STXBP5L: variants seen among roughly 807,000 people sequenced by gnomAD.
STXBP5L encodes syntaxin binding protein 5L.
In STXBP5L, 65 loss-of-function variants were observed where a neutral mutation model predicts 144.5. The observed-to-expected ratio is 0.45, with a 90% CI of 0.37 to 0.55. The LOEUF (loss-of-function observed/expected upper bound fraction) is 0.55. STXBP5L is among the 20% of genes least tolerant of loss of function. The pLI, the probability that STXBP5L is intolerant of heterozygous loss-of-function variation, is 0.00. For missense variants in STXBP5L, 1,298 were observed against 1,405.5 expected (o/e 0.92, Z 1.22); for synonymous variants, 505 against 469.6 (o/e 1.08, Z -0.97).
intron 2 of STXBP5L, among the ~76,000 whole-genome samples, chr3:120,920,156 C>G (rs865866791): frequency 6.6e-6 from 1 of 151,770 alleles, no homozygotes; most frequent in Non-Finnish European, 1.5e-5. Flanking sequence ...GAAAGTAACT[C>G]TTTAAGTCAC....
chr3:121,059,446 G>T (rs549590108), intron 5 of STXBP5L, among the ~76,000 whole-genome samples: 1 of 152,098 alleles, frequency 6.6e-6, no homozygotes, highest in African/African-American at 2.4e-5. Flanking sequence ...GGATTGTCGT[G>T]GCTATGTGGG....
chr3:121,091,513 A>C (rs1436896899), intron 5 of STXBP5L, among the ~76,000 whole-genome samples: 1 of 152,110 alleles, frequency 6.6e-6, no homozygotes, highest in Non-Finnish European at 1.5e-5. Flanking sequence ...TTTGATTTGC[A>C]TTTCTCTGAT....
intron 9 of STXBP5L, among the ~76,000 whole-genome samples, chr3:121,193,066 C>A (rs1425931806): frequency 2.8e-5 from 4 of 142,362 alleles, no homozygotes; most frequent in African/African-American, 1.0e-4. Context: ...TTTTTACAAT[C>A]TACCTATCTG....
At chr3:121,388,569 C>T (rs2046489342) in intron 22 of STXBP5L, among the ~76,000 whole-genome samples, 1 of 152,176 alleles carries the variant, frequency 6.6e-6, no homozygotes. Flanking sequence ...TATGTTCCAT[C>T]AATACCTAGT....
intron 3 of STXBP5L, among the ~76,000 whole-genome samples, chr3:120,986,882 A>T (rs78451137): frequency 0.11 from 16,967 of 151,970 alleles, 1,041 homozygotes; most frequent in Non-Finnish European, 0.14. Context: ...GCGCAATGAA[A>T]ATTATTGAGT....
rs775940469 is a variant in STXBP5L, at chr3:121,257,279, G to C, written c.1778G>C (p.Ser593Thr). Reference protein sequence around the residue: ...QLPSSRSLSGSTNTVASEGVT... With the variant: ...QLPSSRSLSGTTNTVASEGVT... ...CCTTCTTCAAGGAGTCTTTCTGGGA[G>C]CACTAACACTGTTGCTAGTGAAGGA... The change falls in exon 17 of 27, where the codon AGC becomes ACC. Residue 593 changes from serine (S) to threonine (T), a missense_variant. Ser to Thr is a moderately conservative substitution (Grantham distance 58). Coordinates refer to ENST00000471454, the MANE Select transcript of STXBP5L (RefSeq NM_001308330.2). 2 of 1,613,498 alleles carry C rather than the reference G, an allele frequency of 1.2e-6. No homozygotes were observed. Among genetic ancestry groups the C allele is most frequent in the African/African-American group, 1.3e-5 (1 of 74,900 alleles).
chr3:121,101,887 GA>G (rs1168609627), intron 5 of STXBP5L, among the ~76,000 whole-genome samples: 1 of 151,688 alleles, frequency 6.6e-6, no homozygotes, highest in Non-Finnish European at 1.5e-5. Context: ...AAAGTTTCCG[GA>G]TACAAAGTCA....
At chr3:121,395,704 G>A (rs998652885) in intron 22 of STXBP5L, among the ~76,000 whole-genome samples, 4 of 152,148 alleles carry the variant, frequency 2.6e-5, no homozygotes, top group African/African-American at 9.7e-5. Flanking sequence ...CCTTGTTGAA[G>A]GAATACTCAC....
At chr3:121,168,897 C>A (rs941807423) in intron 9 of STXBP5L, among the ~76,000 whole-genome samples, 6 of 152,008 alleles carry the variant, frequency 3.9e-5, no homozygotes, top group Non-Finnish European at 7.4e-5. Context: ...TCAGATTTAC[C>A]AAGGTTAAAA....
chr3:121,089,766 T>A (rs1037570423), intron 5 of STXBP5L, among the ~76,000 whole-genome samples: 1 of 152,064 alleles, frequency 6.6e-6, no homozygotes, highest in Non-Finnish European at 1.5e-5. Context: ...GGTATTTTTT[T>A]ACTTATATTA....
At chr3:121,337,674 ATGT>A (rs1475421711) in intron 20 of STXBP5L, among the ~76,000 whole-genome samples, 1 of 152,094 alleles carries the variant, frequency 6.6e-6, no homozygotes, top group Non-Finnish European at 1.5e-5. Flanking sequence ...GAGCAAGAAA[ATGT>A]TGTACTTAAA....
chr3:121,150,633 TATA>T (rs754450170), intron 7 of STXBP5L, among the ~76,000 whole-genome samples: 28 of 152,270 alleles, frequency 1.8e-4, no homozygotes, highest in Non-Finnish European at 3.4e-4. Context: ...TTTAATAAAA[TATA>T]ATAGTGTTTT....
chr3:120,966,756 G>T (rs1939629960), intron 3 of STXBP5L, among the ~76,000 whole-genome samples: 1 of 152,174 alleles, frequency 6.6e-6, no homozygotes, highest in Admixed American at 6.5e-5. Flanking sequence ...AAGGGGGTCA[G>T]GGACCCACTT....
At chr3:121,149,609 A>G (rs2045858294) in intron 7 of STXBP5L, among the ~76,000 whole-genome samples, 1 of 152,080 alleles carries the variant, frequency 6.6e-6, no homozygotes, top group African/African-American at 2.4e-5. Flanking sequence ...GAATACAAAC[A>G]AAATAATTTA....
chr3:121,008,583 T>A (rs907924647), intron 3 of STXBP5L, among the ~76,000 whole-genome samples: 6 of 152,066 alleles, frequency 3.9e-5, no homozygotes, highest in Non-Finnish European at 8.8e-5. Context: ...TCATCTTGAA[T>A]AATAACACAC....
intron 2 of STXBP5L, among the ~76,000 whole-genome samples, chr3:120,927,032 T>C (rs1709670986): frequency 1.3e-5 from 2 of 151,226 alleles, no homozygotes; most frequent in Non-Finnish European, 2.9e-5. Flanking sequence ...GCCTGCCAGG[T>C]TCAAGCGGTT....
intron 4 of STXBP5L, among the ~76,000 whole-genome samples, chr3:121,044,648 T>C (rs1947386536): frequency 6.6e-6 from 1 of 152,150 alleles, no homozygotes; most frequent in African/African-American, 2.4e-5. Context: ...GTCATTATGG[T>C]AAAAGTTCTA....
intron 3 of STXBP5L, among the ~76,000 whole-genome samples, chr3:120,999,145 C>T (rs1254590371): frequency 6.6e-6 from 1 of 152,080 alleles, no homozygotes; most frequent in Admixed American, 6.6e-5. Context: ...CTCTTCCTCC[C>T]GGGTTCAAGT....
chr3:121,198,955 C>G (rs2048028778), intron 9 of STXBP5L, among the ~76,000 whole-genome samples: 1 of 152,052 alleles, frequency 6.6e-6, no homozygotes, highest in African/African-American at 2.4e-5. Flanking sequence ...TTAGGAGTGT[C>G]TTACCTATAC....
Sources: allele counts gnomAD v4.1 joint callset (sites outside exome capture counted in the v4.1 genomes callset), GRCh38; gene constraint gnomAD v4.1.1; transcripts MANE v1.5; gene names NCBI Gene and HGNC (gene_info 2026-07-23, HGNC 2026-07-21).